The following PTPRJ variants were observed in gnomAD, a reference collection of about 807,000 sequenced individuals.
The protein encoded by PTPRJ is receptor-type tyrosine-protein phosphatase eta.
PTPRJ carries 129 observed loss-of-function variants against 141.3 expected under a neutral mutation model. That is an observed-to-expected ratio of 0.91 (90% CI 0.79 to 1.06). The LOEUF is 1.06. PTPRJ is among the 50% of genes least tolerant of loss of function. The probability of loss-of-function intolerance (pLI) is 0.00; values close to 1 mark genes in which losing one functional copy is unlikely to be tolerated. For missense variants in PTPRJ, 1,601 were observed against 1,679.7 expected (o/e 0.95, Z 0.82); for synonymous variants, 610 against 640.5 (o/e 0.95, Z 0.72).
At chr11:47,983,649 C>T (rs943278788) in intron 1 of PTPRJ, among the ~76,000 whole-genome samples, 4 of 152,188 alleles carry the variant, frequency 2.6e-5, no homozygotes, top group Non-Finnish European at 1.5e-5. Flanking sequence ...TGTCTGACTC[C>T]TCCCATTCTC....
At chr11:48,026,459 T>C (rs542270597) in intron 1 of PTPRJ, among the ~76,000 whole-genome samples, 1 of 151,154 alleles carries the variant, frequency 6.6e-6, no homozygotes, top group Non-Finnish European at 1.5e-5. Context: ...TGAGCCTCAC[T>C]GGGGCTTGAC....
chr11:48,155,620 G>A (rs946085239), intron 19 of PTPRJ, among the ~76,000 whole-genome samples, 181 bp from the exon 20 acceptor site: 2 of 152,038 alleles, frequency 1.3e-5, no homozygotes, highest in South Asian at 2.1e-4. Context: ...TCTGTGCCAC[G>A]GTCATATAGA....
At chr11:48,052,011 G>A (rs180887124) in intron 1 of PTPRJ, among the ~76,000 whole-genome samples, 1 of 152,276 alleles carries the variant, frequency 6.6e-6, no homozygotes, top group Admixed American at 6.5e-5. Context: ...AATAAAGATC[G>A]ATGATGATGA....
intron 1 of PTPRJ, among the ~76,000 whole-genome samples, chr11:48,036,366 T>C (rs1854123190): frequency 6.6e-6 from 1 of 152,258 alleles, no homozygotes; most frequent in Admixed American, 6.5e-5. Context: ...TCCAGTGCTC[T>C]GCTCTTCTTG....
chr11:48,097,691 C>G (rs1856047119), intron 1 of PTPRJ, among the ~76,000 whole-genome samples: 1 of 152,022 alleles, frequency 6.6e-6, no homozygotes, highest in Non-Finnish European at 1.5e-5. Flanking sequence ...GTATACACTG[C>G]CAAGCCCGGC....
chr11:48,067,731 C>T (rs1244422614), intron 1 of PTPRJ, among the ~76,000 whole-genome samples: 2 of 152,140 alleles, frequency 1.3e-5, no homozygotes, highest in Non-Finnish European at 2.9e-5. Flanking sequence ...TCATGTTTTA[C>T]AGATTGGTCC....
intron 1 of PTPRJ, chr11:48,015,853 CAAAAAAAAAAAAA>C (rs34543165): frequency 2.0e-5 from 1 of 50,486 alleles, no homozygotes; most frequent in African/African-American, 6.7e-5. Flanking sequence ...GACTCTGTCT[CAAAAAAAAAAAAA>C]AAAAAAAAAG....
intron 1 of PTPRJ, among the ~76,000 whole-genome samples, chr11:47,997,216 C>T (rs1054281614): frequency 2.6e-5 from 4 of 152,210 alleles, no homozygotes; most frequent in African/African-American, 9.6e-5. Flanking sequence ...ACAAAAATGT[C>T]TCCAGATATT....
intron 1 of PTPRJ, among the ~76,000 whole-genome samples, chr11:48,010,619 C>T (rs1270799172): frequency 8.6e-5 from 13 of 151,936 alleles, no homozygotes; most frequent in Admixed American, 5.2e-4. Context: ...CGCACTGCAA[C>T]CTCCGCCTCC....
rs1332718605 is a variant in PTPRJ at position 48,146,959 on chromosome 11, A to G, written c.2995A>G (p.Lys999Glu). The change falls in exon 15 of 25, where the codon AAG becomes GAG. Residue 999 changes from lysine (K) to glutamate (E), a missense_variant. Transcript: ENST00000418331. ...GGGAGGCTTCATCTTCTGGAGAAAG[A>G]AGAGGTGATATTGCTTATGCTAATA... ...TVGGFIFWRK[K>E]RKDAKNNEVS... 2 of 1,612,610 alleles carry G rather than the reference A, an allele frequency of 1.2e-6. No homozygotes were observed. Among genetic ancestry groups the G allele is most frequent in the Non-Finnish European group, 1.7e-6 (2 of 1,178,742 alleles).
intron 1 of PTPRJ, among the ~76,000 whole-genome samples, chr11:48,037,155 G>A (rs1405632682): frequency 1.3e-5 from 2 of 152,194 alleles, no homozygotes; most frequent in Admixed American, 1.3e-4. Flanking sequence ...GAGTGCCTCG[G>A]AGTTCCTATT....
intron 1 of PTPRJ, among the ~76,000 whole-genome samples, chr11:47,998,507 C>T (rs1854402763): frequency 6.6e-6 from 1 of 152,160 alleles, no homozygotes; most frequent in South Asian, 2.1e-4. Flanking sequence ...TGCCCAGATC[C>T]AGGTATGTGG....
At chr11:48,136,448 T>TG in intron 9 of PTPRJ, 152 bp downstream of exon 9, 3 of 931,048 alleles carry the variant, frequency 3.2e-6, no homozygotes, top group Non-Finnish European at 3.3e-6. Context: ...ATGGTTCTGC[T>TG]GTCACCATGG....
chr11:48,040,901 T>C (rs1026619854), intron 1 of PTPRJ, among the ~76,000 whole-genome samples: 2 of 152,092 alleles, frequency 1.3e-5, no homozygotes, highest in African/African-American at 4.8e-5. Flanking sequence ...CATGCCCCTC[T>C]TACATTCTTT....
Position 48,112,866 on chromosome 11 carries a change from G to A in PTPRJ, c.235G>A (p.Val79Met). The A allele has an allele frequency of 1.2e-6, 2 of 1,614,158 alleles. No individual in the cohort carries two copies. The highest frequency in any genetic ancestry group is 1.7e-6 in the Non-Finnish European group (2 of 1,180,018). The change falls in exon 3 of 25, where the codon GTG becomes ATG. Residue 79 changes from valine to methionine, a missense_variant. Coordinates refer to ENST00000418331, the MANE Select transcript of PTPRJ (RefSeq NM_002843.4). ...HKQNGTGTPQVETNTSEDGES... is the reference protein window; with the variant it reads ...HKQNGTGTPQMETNTSEDGES... ...ACAGAATGGAACTGGAACACCTCAGGTGGAAACAAACACCAGTGAGGATGG... is the reference window on the plus strand; with the variant it reads ...ACAGAATGGAACTGGAACACCTCAGATGGAAACAAACACCAGTGAGGATGG...
intron 5 of PTPRJ, 130 bp from the exon 6 acceptor site, chr11:48,124,838 G>T: frequency 1.2e-6 from 1 of 803,878 alleles, no homozygotes; most frequent in Non-Finnish European, 2.1e-6. Context: ...GAGGAAGGGA[G>T]CAGATATTGA....
At chr11:48,018,834 C>G (rs1855023072) in intron 1 of PTPRJ, among the ~76,000 whole-genome samples, 1 of 152,174 alleles carries the variant, frequency 6.6e-6, no homozygotes, top group African/African-American at 2.4e-5. Context: ...CCACAGTTTT[C>G]ATTCATGCAA....
intron 1 of PTPRJ, among the ~76,000 whole-genome samples, chr11:48,093,471 C>T (rs1366886390): frequency 1.3e-5 from 2 of 152,158 alleles, no homozygotes; most frequent in Non-Finnish European, 2.9e-5. Flanking sequence ...ATGACATCTT[C>T]AGGAAGAAAA....
Position 48,148,541 on chromosome 11 carries a change from G to A in PTPRJ, c.3000-906G>A, listed in dbSNP as rs557529914. On this transcript the variant is annotated intron_variant, in intron 15 of 24. Coordinates refer to ENST00000418331, the MANE Select transcript of PTPRJ (RefSeq NM_002843.4). Reference sequence around the variant, plus strand: ...CAACCTCTGCCTCCTGGGTTCAAGCGATTCTCCTGTCTCAGCCTCCCAAGT... The same window carrying A: ...CAACCTCTGCCTCCTGGGTTCAAGCAATTCTCCTGTCTCAGCCTCCCAAGT... Among the ~76,000 whole-genome samples, 4 of 151,998 alleles carry A rather than the reference G, an allele frequency of 2.6e-5. No homozygotes were observed. In the South Asian group the frequency reaches 6.2e-4, roughly 24 times the overall value.
Sources: gnomAD v4.1 joint callset for allele counts (sites outside exome capture counted in the v4.1 genomes callset) on GRCh38, gnomAD v4.1.1 for gene constraint, MANE v1.5 for transcripts, NCBI Gene and HGNC (gene_info 2026-07-23, HGNC 2026-07-21) for gene names.